SLCO5A1: variants seen among roughly 807,000 people sequenced by gnomAD.
SLCO5A1 encodes the protein solute carrier organic anion transporter family member 5A1.
A neutral mutation model predicts 65.1 loss-of-function variants in SLCO5A1; 39 were observed. The ratio of observed to expected loss-of-function variants is 0.60; its 90% CI spans 0.46 to 0.78. The LOEUF (loss-of-function observed/expected upper bound fraction) is 0.78. Ranked by LOEUF, SLCO5A1 falls within the 30% of genes least tolerant of loss-of-function variation. The pLI is 0.00. For missense variants in SLCO5A1, 1,029 were observed against 1,069.4 expected (o/e 0.96, Z 0.53); for synonymous variants, 438 against 415.7 (o/e 1.05, Z -0.65).
intron 4 of SLCO5A1, among the ~76,000 whole-genome samples, chr8:69,752,515 AG>A (rs1203975573): frequency 6.6e-6 from 1 of 152,176 alleles, no homozygotes; most frequent in African/African-American, 2.4e-5. Context: ...ATTAAATATG[AG>A]TCACTTTCTT....
chr8:69,676,786 A>C, intron 8 of SLCO5A1, 113 bp from the exon 9 acceptor site: 1 of 750,306 alleles, frequency 1.3e-6, no homozygotes, highest in Non-Finnish European at 2.2e-6. Context: ...ATGCCAAAAT[A>C]TTTAATTCAC....
intron 4 of SLCO5A1, among the ~76,000 whole-genome samples, chr8:69,751,399 C>A (rs1255755495): frequency 3.9e-5 from 6 of 152,104 alleles, no homozygotes; most frequent in Non-Finnish European, 8.8e-5. Context: ...GTTATTCCTG[C>A]ATAATTTATA....
At position 69,788,231 on chromosome 8, in the gene SLCO5A1, G is replaced by C. The variant is rs187355211; in HGVS notation, c.908-26356C>G. Among the ~76,000 whole-genome samples, 421 of 152,244 alleles carry C rather than the reference G, an allele frequency of 2.8e-3. 2 individuals are homozygous for C. The highest frequency in any genetic ancestry group is 9.5e-3 in the African/African-American group (395 of 41,542). ...AGCTTTGCTTCCTTTTGTGAAGTAT[G>C]CTCATCCCATAAGTGTGAAATTTAT... On this transcript the variant is annotated intron_variant, in intron 2 of 9. Transcript: ENST00000260126.
intron 2 of SLCO5A1, among the ~76,000 whole-genome samples, chr8:69,764,078 T>C (rs1391597346): frequency 6.6e-6 from 1 of 152,202 alleles, no homozygotes; most frequent in Non-Finnish European, 1.5e-5. Context: ...TTGGCCATAC[T>C]GGTCGCGAAC....
In SLCO5A1 at chr8:69,673,333, G is replaced by A. The variant is rs1229607610; in HGVS notation, c.2090-7C>T. 1.2e-6 allele frequency: 2 copies of A among 1,601,792 alleles called. No individual in the cohort carries two copies. Among genetic ancestry groups the A allele is most frequent in the East Asian group, 4.5e-5 (2 of 44,644 alleles). ...ATTGGAGTAGGAATGTATGCTAGAG[G>A]GGTGGAGAAGAAGAAAATACGAAGA... is the stretch of plus-strand genomic sequence containing the variant. On this transcript the variant is annotated splice_polypyrimidine_tract_variant and splice_region_variant and intron_variant, in intron 9 of 9. Transcript: ENST00000260126.
chr8:69,810,165 A>T (rs1056580108), intron 2 of SLCO5A1, among the ~76,000 whole-genome samples: 13 of 152,198 alleles, frequency 8.5e-5, no homozygotes, highest in Non-Finnish European at 2.9e-5. Context: ...CATTTAGTGG[A>T]ACTGGCCATG....
In SLCO5A1 at chr8:69,679,433, T is replaced by C. The variant is rs1023651250; in HGVS notation, c.1969A>G (p.Ile657Val). Residue 657 changes from isoleucine (I) to valine (V), a missense_variant, in exon 8 of 10, where the codon ATA becomes GTA. Ile to Val is a conservative substitution (Grantham distance 29, BLOSUM62 3). Transcript: ENST00000260126. Reference protein sequence around the residue: ...TLIPFLVFLFIVTFITACAQP... With the variant: ...TLIPFLVFLFVVTFITACAQP... ...GCACATGCTGTGATGAAGGTGACTA[T>C]GAAAAGAAAAACTAAGAATGGGATA... 1 of 1,614,168 alleles carries C rather than the reference T, an allele frequency of 6.2e-7. No homozygotes were observed. The highest frequency in any genetic ancestry group is 8.5e-7 in the Non-Finnish European group (1 of 1,180,022).
At chr8:69,759,013 A>G (rs1817644057) in intron 3 of SLCO5A1, among the ~76,000 whole-genome samples, 2 of 152,224 alleles carry the variant, frequency 1.3e-5, no homozygotes, top group Non-Finnish European at 2.9e-5. Context: ...TGCAAAATGC[A>G]CATACCAGTG....
chr8:69,687,455 G>A (rs1473142595), intron 6 of SLCO5A1, among the ~76,000 whole-genome samples: 1 of 152,086 alleles, frequency 6.6e-6, no homozygotes, highest in East Asian at 1.9e-4. Context: ...ATTTAAATCA[G>A]GTGTAACTTG....
intron 5 of SLCO5A1, among the ~76,000 whole-genome samples, chr8:69,705,718 A>AT (rs1814941232): frequency 6.6e-6 from 1 of 152,254 alleles, no homozygotes; most frequent in Non-Finnish European, 1.5e-5. Context: ...AATGTATAAA[A>AT]TTTTTTTAAT....
At chr8:69,755,220 A>G (rs1817489033) in intron 4 of SLCO5A1, among the ~76,000 whole-genome samples, 1 of 152,216 alleles carries the variant, frequency 6.6e-6, no homozygotes, top group Non-Finnish European at 1.5e-5. Context: ...CATACAAAAT[A>G]TAACCTTAAT....
intron 3 of SLCO5A1, chr8:69,761,320 T>C (rs1460766026): frequency 5.6e-6 from 1 of 178,624 alleles, no homozygotes; most frequent in Non-Finnish European, 1.2e-5. Flanking sequence ...GAAGAACCCA[T>C]TTCCTTGCTT....
chr8:69,729,446 CAAAA>C (rs56392223), intron 5 of SLCO5A1, among the ~76,000 whole-genome samples: 17 of 80,486 alleles, frequency 2.1e-4, no homozygotes, highest in Admixed American at 3.9e-4. Context: ...TCCGTCCCAA[CAAAA>C]AAAAAAAAAA....
intron 6 of SLCO5A1, among the ~76,000 whole-genome samples, chr8:69,692,236 G>A (rs373847981): frequency 6.6e-6 from 1 of 152,140 alleles, no homozygotes; most frequent in Non-Finnish European, 1.5e-5. Flanking sequence ...GCAACAGAGT[G>A]AGACTCCATC....
intron 3 of SLCO5A1, among the ~76,000 whole-genome samples, chr8:69,758,175 ATTAT>A (rs1390860373): frequency 6.6e-6 from 1 of 152,010 alleles, no homozygotes; most frequent in Non-Finnish European, 1.5e-5. Flanking sequence ...TTTTTAATTA[ATTAT>A]TTATTTATCT....
At position 69,738,033 on chromosome 8, in the gene SLCO5A1, G is replaced by GCC; in HGVS notation, c.1423+5_1423+6dup. The stretch of plus-strand genomic sequence containing the variant: ...GTTTTCAAGCAGCCCTAGCGGCAGT[G>GCC]CCTTACCAGTGTAGATGCTGGCATT... On this transcript the variant is annotated splice_region_variant and intron_variant, in intron 5 of 9. Coordinates refer to ENST00000260126, the MANE Select transcript of SLCO5A1 (RefSeq NM_030958.3). 6.2e-7 allele frequency: 1 copy of GCC among 1,612,940 alleles called. No individual in the cohort carries two copies. The highest frequency in any genetic ancestry group is 8.5e-7 in the Non-Finnish European group (1 of 1,179,330).
At chr8:69,700,995 G>C (rs1275903385) in intron 6 of SLCO5A1, among the ~76,000 whole-genome samples, 1 of 152,064 alleles carries the variant, frequency 6.6e-6, no homozygotes, top group East Asian at 1.9e-4. Context: ...AATACAGAGA[G>C]AGGCACAGGA....
At chr8:69,770,695 C>T (rs983736831) in intron 2 of SLCO5A1, among the ~76,000 whole-genome samples, 1 of 152,132 alleles carries the variant, frequency 6.6e-6, no homozygotes, top group Non-Finnish European at 1.5e-5. Context: ...CTGCCTCAGC[C>T]GAGAGGTGGC....
At chr8:69,781,222 A>G (rs1377450621) in intron 2 of SLCO5A1, among the ~76,000 whole-genome samples, 2 of 152,264 alleles carry the variant, frequency 1.3e-5, no homozygotes, top group African/African-American at 4.8e-5. Flanking sequence ...CATGATTTCC[A>G]TTGGAAAGAT....
Sources: allele counts gnomAD v4.1 joint callset (sites outside exome capture counted in the v4.1 genomes callset), GRCh38; gene constraint gnomAD v4.1.1; transcripts MANE v1.5; gene names NCBI Gene and HGNC (gene_info 2026-07-23, HGNC 2026-07-21).